The following JAKMIP2 variants were observed in gnomAD, a reference collection of about 807,000 sequenced individuals.
The protein encoded by JAKMIP2 is janus kinase and microtubule interacting protein 2.
A neutral mutation model predicts 115.0 loss-of-function variants in JAKMIP2; 25 were observed. The ratio of observed to expected loss-of-function variants is 0.22; its 90% CI spans 0.16 to 0.30. JAKMIP2 has a LOEUF of 0.30. JAKMIP2 is among the 10% of genes least tolerant of loss of function. The probability of loss-of-function intolerance (pLI) is 1.00; values close to 1 mark genes in which losing one functional copy is unlikely to be tolerated. For synonymous variants in JAKMIP2, 334 were observed against 343.6 expected (o/e 0.97, Z 0.31); for missense variants, 642 against 957.6 (o/e 0.67, Z 4.35).
At chr5:147,659,379 C>G (rs1347442860) in intron 3 of JAKMIP2, among the ~76,000 whole-genome samples, 1 of 152,124 alleles carries the variant, frequency 6.6e-6, no homozygotes, top group Non-Finnish European at 1.5e-5. Context: ...CCAAACCAGT[C>G]CCAGTGAGAT....
chr5:147,743,953 C>A (rs1754243646), intron 1 of JAKMIP2, among the ~76,000 whole-genome samples: 1 of 150,976 alleles, frequency 6.6e-6, no homozygotes. Flanking sequence ...TTTCTTTCCC[C>A]TCCCTCCCTC....
At chr5:147,607,614 G>A (rs551009185) in intron 20 of JAKMIP2, among the ~76,000 whole-genome samples, 1 of 152,266 alleles carries the variant, frequency 6.6e-6, no homozygotes, top group South Asian at 2.1e-4. Flanking sequence ...ATGCTCATCA[G>A]GGATACTGGC....
At chr5:147,713,919 G>GT (rs1400327838) in intron 1 of JAKMIP2, among the ~76,000 whole-genome samples, 4 of 152,186 alleles carry the variant, frequency 2.6e-5, no homozygotes, top group African/African-American at 9.7e-5. Flanking sequence ...CAGCCCGACT[G>GT]TAAGTCATCT....
chr5:147,770,333 C>T (rs1337566246), intron 1 of JAKMIP2, among the ~76,000 whole-genome samples: 2 of 151,932 alleles, frequency 1.3e-5, no homozygotes, highest in African/African-American at 4.8e-5. Flanking sequence ...CCACCTGGGT[C>T]AGAGGTTCTA....
chr5:147,616,172 G>A (rs1450925509), intron 19 of JAKMIP2, among the ~76,000 whole-genome samples: 1 of 152,090 alleles, frequency 6.6e-6, no homozygotes, highest in African/African-American at 2.4e-5. Context: ...GTAATACATG[G>A]TTAGTGATAT....
intron 17 of JAKMIP2, among the ~76,000 whole-genome samples, chr5:147,622,630 A>G (rs1458772589): frequency 6.6e-6 from 1 of 152,078 alleles, no homozygotes; most frequent in East Asian, 1.9e-4. Context: ...TGTATACACC[A>G]CCTTTTGTTT....
intron 21 of JAKMIP2, among the ~76,000 whole-genome samples, chr5:147,598,344 G>A (rs73266284): frequency 0.019 from 2,965 of 152,186 alleles, 102 homozygotes; most frequent in African/African-American, 0.069. Context: ...TGGTTCTCCA[G>A]CGTGCAGATG....
chr5:147,716,112 G>A (rs1752978852), intron 1 of JAKMIP2, among the ~76,000 whole-genome samples: 1 of 146,546 alleles, frequency 6.8e-6, no homozygotes, highest in African/African-American at 2.6e-5. Flanking sequence ...TTTTGTTCTT[G>A]TGATAGTTTA....
chr5:147,616,433 G>A (rs1021625146), intron 19 of JAKMIP2, among the ~76,000 whole-genome samples: 3 of 152,168 alleles, frequency 2.0e-5, no homozygotes, highest in African/African-American at 4.8e-5. Context: ...TTTCAGAGGT[G>A]AAGTATCTTA....
intron 1 of JAKMIP2, among the ~76,000 whole-genome samples, chr5:147,762,140 CACTT>C (rs748561814): frequency 7.9e-5 from 12 of 152,058 alleles, no homozygotes; most frequent in East Asian, 1.9e-4. Flanking sequence ...AATTCTTTGA[CACTT>C]ACATATATGC....
At position 147,650,402 on chromosome 5, in the gene JAKMIP2, A is replaced by G. The variant is rs1292483457; in HGVS notation, c.773T>C (p.Met258Thr). The change falls in exon 4 of 22, where the codon ATG becomes ACG. Residue 258 changes from methionine (M) to threonine (T), a missense_variant. By Grantham distance (81) the Met-to-Thr change is moderately conservative (BLOSUM62 -1). This residue lies in a region of JAKMIP2 where 439 missense variants were observed against 570.9 expected (regional missense o/e 0.77). Transcript: ENST00000616793. ...TGGAATTTCTCGTTTTGGGCTGCTCATGTTGCACTCAGCCTCCTTGACCAG... is the reference window on the plus strand; with the variant it reads ...TGGAATTTCTCGTTTTGGGCTGCTCGTGTTGCACTCAGCCTCCTTGACCAG... ...LFLVKEAECN[M>T]SSPKREIPGR... 6 of 1,613,768 alleles carry G rather than the reference A, an allele frequency of 3.7e-6. No homozygotes were observed. In the African/African-American group the frequency reaches 5.3e-5, roughly 14 times the overall value.
chr5:147,618,828 G>A (rs556785347), intron 18 of JAKMIP2, among the ~76,000 whole-genome samples: 10 of 152,018 alleles, frequency 6.6e-5, no homozygotes, highest in Non-Finnish European at 1.3e-4. Context: ...CCATACTTCT[G>A]GAAATAAATA....
At chr5:147,682,118 G>A (rs1012295776) in intron 1 of JAKMIP2, among the ~76,000 whole-genome samples, 53 of 151,930 alleles carry the variant, frequency 3.5e-4, no homozygotes, top group African/African-American at 1.2e-3. Context: ...GAACCAGTAA[G>A]CAAAGGGTTA....
chr5:147,594,637 A>G (rs1375671847), intron 21 of JAKMIP2, among the ~76,000 whole-genome samples: 1 of 152,056 alleles, frequency 6.6e-6, no homozygotes, highest in Non-Finnish European at 1.5e-5. Flanking sequence ...CTAATGCCAC[A>G]AACTCCAAGT....
chr5:147,678,872 A>G (rs1431326800), intron 1 of JAKMIP2, among the ~76,000 whole-genome samples: 1 of 152,308 alleles, frequency 6.6e-6, no homozygotes, highest in South Asian at 2.1e-4. Flanking sequence ...AATTCATGCT[A>G]TCAATCTTAG....
At chr5:147,720,273 C>T (rs1386178039) in intron 1 of JAKMIP2, among the ~76,000 whole-genome samples, 1 of 151,752 alleles carries the variant, frequency 6.6e-6, no homozygotes, top group Non-Finnish European at 1.5e-5. Flanking sequence ...TCTCTGGCTG[C>T]CCTTAACATT....
chr5:147,655,210 C>T (rs1314004023), intron 3 of JAKMIP2, among the ~76,000 whole-genome samples: 1 of 152,234 alleles, frequency 6.6e-6, no homozygotes, highest in African/African-American at 2.4e-5. Flanking sequence ...ATGATGCTGG[C>T]CCCATAAAAT....
intron 1 of JAKMIP2, among the ~76,000 whole-genome samples, chr5:147,738,761 A>G (rs527619770): frequency 6.6e-6 from 1 of 152,252 alleles, no homozygotes; most frequent in Admixed American, 6.5e-5. Flanking sequence ...CCATCTACTA[A>G]GTTTTTATCT....
At chr5:147,758,642 T>C (rs1410980999) in intron 1 of JAKMIP2, among the ~76,000 whole-genome samples, 2 of 152,160 alleles carry the variant, frequency 1.3e-5, no homozygotes, top group Admixed American at 6.6e-5. Context: ...GACATGGAGT[T>C]TCACTATATT....
Sources: allele counts gnomAD v4.1 joint callset (sites outside exome capture counted in the v4.1 genomes callset), GRCh38; gene constraint gnomAD v4.1.1; regional missense constraint gnomAD v4.1.1; transcripts MANE v1.5; gene names NCBI Gene and HGNC (gene_info 2026-07-23, HGNC 2026-07-21).